Variants in SERPINF2 observed in about 807,000 individuals in gnomAD.
SERPINF2 encodes serpin family F member 2.
SERPINF2 carries 15 observed loss-of-function variants against 45.0 expected under a neutral mutation model. The ratio of observed to expected loss-of-function variants is 0.33; its 90% CI spans 0.22 to 0.51. The LOEUF is 0.51. SERPINF2 is among the 20% of genes least tolerant of loss of function. SERPINF2 has a pLI of 0.97. For synonymous variants in SERPINF2, 283 were observed against 277.9 expected, an observed-to-expected ratio of 1.02 and a Z score of -0.18; for missense variants, 518 against 637.4, an observed-to-expected ratio of 0.81 and a Z score of 2.02.
In SERPINF2 at chr17:1,747,324, A is replaced by G. The variant is rs1325192848; in HGVS notation, c.527A>G (p.Glu176Gly). 6.2e-7 allele frequency: 1 copy of G among 1,614,002 alleles called. No homozygotes were observed. The highest frequency in any genetic ancestry group is 2.2e-5 in the East Asian group (1 of 44,880). ...MYLQKGFPIK[E>G]DFLEQSEQLF... ...CTCCGTGCAGGATTTCCCATCAAAGAAGATTTCCTGGAACAATCCGAACAG... is the reference window on the plus strand; with the variant it reads ...CTCCGTGCAGGATTTCCCATCAAAGGAGATTTCCTGGAACAATCCGAACAG... The change falls in exon 7 of 10, where the codon GAA (glutamate) becomes GGA (glycine). Residue 176 changes from glutamate to glycine, a missense_variant. Transcript: ENST00000453066.
chr17:1,745,599 G>A lies in SERPINF2; in HGVS notation c.166-109G>A. The A allele has an allele frequency of 7.0e-6, 9 of 1,278,528 alleles. No individual in the cohort carries two copies. Among genetic ancestry groups the A allele is most frequent in the Non-Finnish European group, 1.0e-5 (9 of 900,712 alleles). 79.2% of individuals were successfully genotyped at this position (1,278,528 alleles called of 1,614,324 possible). ...CGTCTGACGCTCCCTCTTCCCTGGGGCTGGGACAAGGCCCTGCTGTCCTCA... is the reference window on the plus strand; with the variant it reads ...CGTCTGACGCTCCCTCTTCCCTGGGACTGGGACAAGGCCCTGCTGTCCTCA... On this transcript the variant is annotated intron_variant, in intron 4 of 9. Coordinates refer to ENST00000453066, the MANE Select transcript of SERPINF2 (RefSeq NM_000934.4). This position sits in a 1 kb window ranked among gnomAD's most constrained non-coding sequence, Gnocchi z 6.2.
chr17:1,747,062 C>T lies in SERPINF2; in HGVS notation c.411C>T (p.His137=), dbSNP rs755275743. The change falls in exon 6 of 10, where the codon CAC becomes CAT. Residue 137 remains histidine (H), a synonymous_variant. Transcript: ENST00000453066. The stretch of plus-strand genomic sequence containing the variant: ...TGCAGAGGCTGCAACAGGTGCTGCA[C>T]GCAGGCTCAGGGCCCTGCCTCCCCC... ...HTLQRLQQVL[H]AGSGPCLPHL... The T allele has an allele frequency of 1.6e-5, 25 of 1,608,474 alleles. No homozygotes were observed. The highest frequency in any genetic ancestry group is 5.5e-5 in the South Asian group (5 of 91,000).
At chr17:1,744,441 C>A (rs191847681) in intron 1 of SERPINF2, 1 of 576,014 alleles carries the variant, frequency 1.7e-6, no homozygotes, top group Non-Finnish European at 2.2e-6. Flanking sequence ...TGCGGTGAGC[C>A]GAGATCCTGC....
At chr17:1,749,405 C>G (rs199567645) in intron 8 of SERPINF2, among the ~76,000 whole-genome samples, 1 of 152,108 alleles carries the variant, frequency 6.6e-6, no homozygotes, top group East Asian at 1.9e-4. Flanking sequence ...CGAGACCAGC[C>G]TGACCAACAT....
rs561705918 is a variant in SERPINF2, at chr17:1,753,015, C to T, written c.1063+225C>T. ...GGCTCTGCTTTGCTGCCCAAGACCT[C>T]GCATTGCAAGGAGAGTCTGGGTAGA... On this transcript the variant is annotated intron_variant, in intron 9 of 9. Coordinates refer to ENST00000453066, the MANE Select transcript of SERPINF2 (RefSeq NM_000934.4). 1.1e-4 allele frequency among the ~76,000 whole-genome samples: 17 copies of T among 152,278 alleles called. 1 individual carries two copies. The highest frequency in any genetic ancestry group is 4.6e-4 in the Admixed American group (7 of 15,292).
chr17:1,752,557 C>A (rs1906493242), intron 8 of SERPINF2, 29 bp from the exon 9 acceptor site: 1 of 1,609,292 alleles, frequency 6.2e-7, no homozygotes, highest in African/African-American at 1.3e-5. Flanking sequence ...GCTTTCTGTC[C>A]TCATGCTCTT....
In SERPINF2 at chr17:1,754,690, G is replaced by C. The variant is rs1316530483; in HGVS notation, c.*156G>C. ...ACCTCTTGGGGAGTTTAGGGTGGGG[G>C]GGGGGCGCGGCTGGGAGGAGGGCAG... On this transcript the variant is annotated 3_prime_UTR_variant, in exon 10 of 10. Coordinates refer to ENST00000453066, the MANE Select transcript of SERPINF2 (RefSeq NM_000934.4). The C allele has an allele frequency of 6.8e-6, 3 of 441,830 alleles. No individual in the cohort carries two copies. The highest frequency in any genetic ancestry group is 5.6e-5 in the East Asian group (1 of 17,766). The allele number at this position is 441,830 out of a possible 1,614,324, so 27.4% of individuals were successfully genotyped here. A position where few individuals can be genotyped will look rare whatever the true frequency, so the allele number is the denominator to read the frequency against.
intron 5 of SERPINF2, 115 bp downstream of exon 5, chr17:1,746,024 A>C: frequency 8.5e-7 from 1 of 1,173,352 alleles, no homozygotes; most frequent in Non-Finnish European, 1.3e-6. Context: ...TGTTTGGTAA[A>C]AATGCAGATT....
At chr17:1,748,769 C>CAA in intron 8 of SERPINF2, 29 bp downstream of exon 8, 6 of 1,172,630 alleles carry the variant, frequency 5.1e-6, no homozygotes, top group Non-Finnish European at 7.7e-6. Flanking sequence ...GCAGGCTGGG[C>CAA]CTGAGGCTGG....
At position 1,745,476 on chromosome 17, in the gene SERPINF2, G is replaced by A. The variant is rs1304881368; in HGVS notation, c.165+81G>A. ...TCGGCAGGGGTCGGGGGGTGGGGGC[G>A]CGTGCTGAGGCTGAGGCTCTGGAGT... On this transcript the variant is annotated intron_variant, in intron 4 of 9. Transcript: ENST00000453066. The surrounding 1 kb of genome is among the most constrained non-coding windows in gnomAD (Gnocchi z 6.2). The A allele has an allele frequency of 6.9e-6, 10 of 1,448,200 alleles. No individual in the cohort carries two copies. The highest frequency in any genetic ancestry group is 3.5e-5 in the Admixed American group (2 of 56,594). 89.7% of individuals were successfully genotyped at this position (1,448,200 alleles called of 1,614,324 possible).
chr17:1,748,497 T>C (rs897971944), intron 7 of SERPINF2, 101 bp from the exon 8 acceptor site: 28 of 1,494,698 alleles, frequency 1.9e-5, no homozygotes, highest in Admixed American at 1.0e-4. Context: ...GGCAACGGGC[T>C]GGGGGTGCAG....
rs1010570504 is a variant in SERPINF2, at chr17:1,744,513, A to G, written c.-4-479A>G. ...CGTCTCAAAAAATAAACAACAAAAA[A>G]TCCCAAAAAGACGGTCTTATTTTGG... On this transcript the variant is annotated intron_variant, in intron 1 of 9. Transcript: ENST00000453066. 5.8e-5 allele frequency: 57 copies of G among 982,340 alleles called. No homozygotes were observed. The African/African-American group carries it at 9.4e-4, about 16-fold the overall frequency. 60.9% of individuals were successfully genotyped at this position (982,340 alleles called of 1,614,324 possible).
rs373613742 is a variant in SERPINF2, at chr17:1,746,428, AT to A, written c.367+535del. ...TGCTTATTTACAAGTCCTCCTGGTGATTTTTTTTTTTTTTTTGAGACAGAGT... is the reference window on the plus strand; with the variant it reads ...TGCTTATTTACAAGTCCTCCTGGTGATTTTTTTTTTTTTTTGAGACAGAGT... On this transcript the variant is annotated intron_variant, in intron 5 of 9. Coordinates refer to ENST00000453066, the MANE Select transcript of SERPINF2 (RefSeq NM_000934.4). 7.8e-3 allele frequency among the ~76,000 whole-genome samples: 1,081 copies of A among 138,428 alleles called. 3 individuals are homozygous for A. The highest frequency in any genetic ancestry group is 0.019 in the African/African-American group (715 of 37,556). 90.8% of individuals were successfully genotyped at this position (138,428 alleles called of 152,430 possible).
chr17:1,745,713 TG>T lies in SERPINF2; in HGVS notation c.173del (p.Gly58ValfsTer6). On this transcript the variant is annotated frameshift_variant, in exon 5 of 10. Transcript: ENST00000453066. LOFTEE classifies it high-confidence loss of function. The surrounding 1 kb of genome is among the most constrained non-coding windows in gnomAD (Gnocchi z 6.2). ...TLLKLGNQEP[G>X]GQTALKSPPG... ...CCCCTGATCTGTCCCTGCAGGAGCC[TG>T]GTGGCCAGACTGCCCTGAAGAGTCC... The T allele has an allele frequency of 6.2e-7, 1 of 1,613,440 alleles. No homozygotes were observed. Among genetic ancestry groups the T allele is most frequent in the Middle Eastern group, 1.7e-4 (1 of 5,908 alleles).
chr17:1,743,168 A>T, intron 1 of SERPINF2: 2 of 881,686 alleles, frequency 2.3e-6, no homozygotes, highest in Non-Finnish European at 2.7e-6. Flanking sequence ...TGGCCCCAAG[A>T]TGGGGGTGGG....
chr17:1,745,523 G>C lies in SERPINF2; in HGVS notation c.165+128G>C. 1 of 1,268,940 alleles carries C rather than the reference G, an allele frequency of 7.9e-7. No homozygotes were observed. The highest frequency in any genetic ancestry group is 1.1e-6 in the Non-Finnish European group (1 of 897,196). The allele number at this position is 1,268,940 out of a possible 1,614,324, so 78.6% of individuals were successfully genotyped here. On this transcript the variant is annotated intron_variant, in intron 4 of 9. Transcript: ENST00000453066. The surrounding 1 kb of genome is among the most constrained non-coding windows in gnomAD (Gnocchi z 6.2). ...GAGTCCAGAGGCCAGAAGGGAGAGA[G>C]GGTGGGGAGGACCGAAGGTGGGCGC... is the stretch of plus-strand genomic sequence containing the variant.
At chr17:1,748,063 G>A (rs1254604101) in intron 7 of SERPINF2, among the ~76,000 whole-genome samples, 1 of 151,606 alleles carries the variant, frequency 6.6e-6, no homozygotes, top group Non-Finnish European at 1.5e-5. Context: ...ACTTTGGGAG[G>A]CCGAGGCGGG....
intron 5 of SERPINF2, among the ~76,000 whole-genome samples, chr17:1,746,172 G>C (rs1384766255): frequency 3.9e-5 from 6 of 152,024 alleles, no homozygotes; most frequent in Non-Finnish European, 1.5e-5. Flanking sequence ...AAAAAATTTA[G>C]CTGTGCGTGG....
At chr17:1,747,757 T>C (rs1447022797) in intron 7 of SERPINF2, among the ~76,000 whole-genome samples, 2 of 151,874 alleles carry the variant, frequency 1.3e-5, no homozygotes, top group African/African-American at 4.8e-5. Context: ...AGAGACAGGG[T>C]TTCACCATGT....
Sources: gnomAD v4.1 joint callset for allele counts (sites outside exome capture counted in the v4.1 genomes callset) on GRCh38, gnomAD v4.1.1 for gene constraint, Gnocchi (gnomAD v3.1) non-coding constraint, MANE v1.5 for transcripts, NCBI Gene and HGNC (gene_info 2026-07-23, HGNC 2026-07-21) for gene names.